Variants in TSHZ2 observed in about 807,000 individuals in gnomAD.
TSHZ2 encodes teashirt zinc finger homeobox 2.
TSHZ2 carries 21 observed loss-of-function variants against 74.4 expected under a neutral mutation model. The observed-to-expected ratio is 0.28, with a 90% confidence interval of 0.20 to 0.41. The LOEUF (loss-of-function observed/expected upper bound fraction) is 0.41. TSHZ2 is among the 10% of genes least tolerant of loss of function. The probability of loss-of-function intolerance (pLI) is 1.00; values close to 1 mark genes in which losing one functional copy is unlikely to be tolerated. For missense variants in TSHZ2, 1,244 were observed against 1,293.5 expected, an observed-to-expected ratio of 0.96 and a Z score of 0.59; for synonymous variants, 540 against 515.3, an observed-to-expected ratio of 1.05 and a Z score of -0.65.
chr20:53,009,444 A>T (rs1335559463), intron 1 of TSHZ2, among the ~76,000 whole-genome samples: 1 of 152,178 alleles, frequency 6.6e-6, no homozygotes, highest in Non-Finnish European at 1.5e-5. Context: ...GTGCAAAGAG[A>T]TGACGTGATG....
chr20:53,408,724 A>G (rs771298994), intron 2 of TSHZ2, among the ~76,000 whole-genome samples: 13 of 152,176 alleles, frequency 8.5e-5, no homozygotes, highest in Non-Finnish European at 1.8e-4. Flanking sequence ...TAATATTGAG[A>G]TCGGACACTT....
At chr20:52,986,656 G>A (rs1981775884) in intron 1 of TSHZ2, among the ~76,000 whole-genome samples, 1 of 151,728 alleles carries the variant, frequency 6.6e-6, no homozygotes, top group African/African-American at 2.4e-5. Flanking sequence ...TTGAACCCAG[G>A]AGGCGGAGAT....
At chr20:53,077,440 G>A (rs1186121436) in intron 1 of TSHZ2, among the ~76,000 whole-genome samples, 6 of 151,898 alleles carry the variant, frequency 4.0e-5, no homozygotes, top group Non-Finnish European at 8.8e-5. Flanking sequence ...TAATACTCTG[G>A]GGATCATCTG....
At chr20:53,075,696 G>A (rs1263355816) in intron 1 of TSHZ2, among the ~76,000 whole-genome samples, 1 of 152,196 alleles carries the variant, frequency 6.6e-6, no homozygotes, top group East Asian at 1.9e-4. Flanking sequence ...AAGGAGTAGG[G>A]TGATCACCAG....
chr20:53,247,633 C>T (rs1393871086), intron 1 of TSHZ2, among the ~76,000 whole-genome samples: 1 of 152,172 alleles, frequency 6.6e-6, no homozygotes, highest in African/African-American at 2.4e-5. Context: ...ATTTTTTGTA[C>T]CTACTGGGTA....
At chr20:53,389,275 C>T (rs1040812024) in intron 2 of TSHZ2, among the ~76,000 whole-genome samples, 23 of 152,228 alleles carry the variant, frequency 1.5e-4, no homozygotes, top group African/African-American at 5.5e-4. Flanking sequence ...ATTCATACCA[C>T]ATTCAAGGGG....
intron 2 of TSHZ2, among the ~76,000 whole-genome samples, chr20:53,314,287 C>CAAAAAAA (rs5841941): frequency 1.7e-4 from 23 of 131,740 alleles, no homozygotes; most frequent in Admixed American, 3.9e-4. Context: ...GACTCTGTCT[C>CAAAAAAA]AAAAAAAAAA....
chr20:53,119,218 A>T (rs1164774501), intron 1 of TSHZ2, among the ~76,000 whole-genome samples: 3 of 152,160 alleles, frequency 2.0e-5, no homozygotes, highest in Non-Finnish European at 4.4e-5. Context: ...CCCTCTGCCA[A>T]AAAAGATCTA....
At chr20:53,483,671 A>G (rs1489256799) in intron 2 of TSHZ2, among the ~76,000 whole-genome samples, 2 of 152,244 alleles carry the variant, frequency 1.3e-5, no homozygotes, top group Non-Finnish European at 2.9e-5. Context: ...CCTGGCAAGT[A>G]CTGAGTTAAG....
At chr20:53,049,498 G>A (rs6126739) in intron 1 of TSHZ2, among the ~76,000 whole-genome samples, 36,583 of 151,994 alleles carry the variant, frequency 0.24, 7,734 homozygotes, top group African/African-American at 0.57. Context: ...CCCCAGTGAC[G>A]TAGGGAGTCT....
intron 2 of TSHZ2, among the ~76,000 whole-genome samples, chr20:53,376,269 A>G (rs1462373345): frequency 6.6e-6 from 1 of 152,238 alleles, no homozygotes; most frequent in Non-Finnish European, 1.5e-5. Context: ...GAAGTTTCCC[A>G]GGATGTGGGG....
At chr20:53,387,441 A>G (rs1433789340) in intron 2 of TSHZ2, among the ~76,000 whole-genome samples, 2 of 152,218 alleles carry the variant, frequency 1.3e-5, no homozygotes, top group African/African-American at 4.8e-5. Context: ...GGATGTCACT[A>G]AAGTAAAGGC....
chr20:53,378,638 T>C (rs1981747185), intron 2 of TSHZ2, among the ~76,000 whole-genome samples: 1 of 152,132 alleles, frequency 6.6e-6, no homozygotes. Flanking sequence ...TTTTCCAAAA[T>C]GGGAAACATA....
At chr20:52,999,928 AAG>A (rs776942317) in intron 1 of TSHZ2, among the ~76,000 whole-genome samples, 1 of 152,212 alleles carries the variant, frequency 6.6e-6, no homozygotes. Context: ...CAACCCCACT[AAG>A]AGAGAAGAAG....
intron 1 of TSHZ2, among the ~76,000 whole-genome samples, chr20:52,981,409 A>T (rs568350347): frequency 6.6e-6 from 1 of 152,328 alleles, no homozygotes; most frequent in South Asian, 2.1e-4. Flanking sequence ...AAATGGGGGC[A>T]ATCATATGTT....
intron 1 of TSHZ2, among the ~76,000 whole-genome samples, chr20:53,239,648 T>C (rs1269645896): frequency 1.3e-5 from 2 of 152,144 alleles, no homozygotes; most frequent in African/African-American, 4.8e-5. Flanking sequence ...ATTTGGTGCT[T>C]AACTGCGAGC....
intron 1 of TSHZ2, among the ~76,000 whole-genome samples, chr20:53,081,660 A>G (rs1985538928): frequency 6.6e-6 from 1 of 152,194 alleles, no homozygotes; most frequent in Admixed American, 6.5e-5. Context: ...CTTATTTATC[A>G]CGGTGTTTAT....
At chr20:53,014,925 C>T (rs527518160) in intron 1 of TSHZ2, among the ~76,000 whole-genome samples, 1 of 152,238 alleles carries the variant, frequency 6.6e-6, no homozygotes, top group South Asian at 2.1e-4. Context: ...TTTAAAACTC[C>T]CAATAACTTC....
rs60091248 is a variant in TSHZ2 at position 53,494,636 on chromosome 20, GTTT to G, written c.*7510_*7512del. On this transcript the variant is annotated 3_prime_UTR_variant, in exon 3 of 3. Coordinates refer to ENST00000371497, the MANE Select transcript of TSHZ2 (RefSeq NM_173485.6). ...AGCCATTATTTTTTGCATCCAAAGA[GTTT>G]TTTTTTTTAAGGAAAATCATTCTAC... 1 of 143,414 alleles carries G rather than the reference GTTT, an allele frequency of 7.0e-6. No homozygotes were observed. The highest frequency in any genetic ancestry group is 2.2e-4 in the South Asian group (1 of 4,532). 8.9% of individuals were successfully genotyped at this position (143,414 alleles called of 1,614,324 possible). A position where few individuals can be genotyped will look rare whatever the true frequency, so the allele number is the denominator to read the frequency against.
Sources: allele counts gnomAD v4.1 joint callset (sites outside exome capture counted in the v4.1 genomes callset), GRCh38; gene constraint gnomAD v4.1.1; transcripts MANE v1.5; gene names NCBI Gene and HGNC (gene_info 2026-07-23, HGNC 2026-07-21).